ANTXR1: variants seen among roughly 807,000 people sequenced by gnomAD.
ANTXR1 encodes the protein anthrax toxin receptor 1.
In ANTXR1, 19 loss-of-function variants were observed where a neutral mutation model predicts 78.1. The observed-to-expected ratio is 0.24, with a 90% CI of 0.17 to 0.36. ANTXR1 has a LOEUF of 0.36. Among genes scored for constraint, ANTXR1 ranks in the 10% least tolerant of loss-of-function variants. The probability of loss-of-function intolerance (pLI) is 1.00; values close to 1 mark genes in which losing one functional copy is unlikely to be tolerated. For missense variants in ANTXR1, 518 were observed against 718.6 expected (o/e 0.72, Z 3.19); for synonymous variants, 273 against 260.5 (o/e 1.05, Z -0.46).
intron 16 of ANTXR1, among the ~76,000 whole-genome samples, chr2:69,185,038 A>C (rs1401957562): frequency 6.6e-6 from 1 of 152,074 alleles, no homozygotes; most frequent in Non-Finnish European, 1.5e-5. Flanking sequence ...CTGTTGCCCC[A>C]ATTATCACTT....
At chr2:69,187,504 A>G (rs1674447242) in intron 16 of ANTXR1, among the ~76,000 whole-genome samples, 1 of 151,630 alleles carries the variant, frequency 6.6e-6, no homozygotes, top group Non-Finnish European at 1.5e-5. Context: ...GTGTGTAGGG[A>G]AAGTTTCTGA....
intron 17 of ANTXR1, among the ~76,000 whole-genome samples, chr2:69,211,296 C>T (rs1675038038): frequency 6.6e-6 from 1 of 152,164 alleles, no homozygotes; most frequent in Admixed American, 6.5e-5. Flanking sequence ...GCTGTCAGTG[C>T]TAAGGAATGC....
intron 17 of ANTXR1, among the ~76,000 whole-genome samples, chr2:69,222,816 T>C (rs1322219242): frequency 6.6e-6 from 1 of 152,240 alleles, no homozygotes; most frequent in Non-Finnish European, 1.5e-5. Context: ...ACTCTGACAT[T>C]TGTGGTGTAT....
At chr2:69,164,212 T>C (rs1573946331) in intron 13 of ANTXR1, among the ~76,000 whole-genome samples, 1 of 152,318 alleles carries the variant, frequency 6.6e-6, no homozygotes, top group East Asian at 1.9e-4. Flanking sequence ...TCTAATAAGA[T>C]GGCACAATTA....
At chr2:69,083,903 C>T (rs1670968175) in intron 8 of ANTXR1, among the ~76,000 whole-genome samples, 1 of 152,190 alleles carries the variant, frequency 6.6e-6, no homozygotes, top group South Asian at 2.1e-4. Context: ...AAATCTTTTG[C>T]CTCAGCAGTC....
chr2:69,170,331 C>A, intron 14 of ANTXR1, 42 bp downstream of exon 14: 1 of 1,612,008 alleles, frequency 6.2e-7, no homozygotes, highest in Non-Finnish European at 8.5e-7. Flanking sequence ...GGCAGGGTGG[C>A]AGAGTAGGGT....
intron 13 of ANTXR1, 112 bp downstream of exon 13, chr2:69,152,376 C>T (rs1673421579): frequency 4.6e-6 from 5 of 1,094,698 alleles, no homozygotes; most frequent in Non-Finnish European, 6.9e-6. Flanking sequence ...ACAAATCTTG[C>T]ATTTTTTATA....
At chr2:69,176,565 C>G (rs144949554) in intron 14 of ANTXR1, among the ~76,000 whole-genome samples, 1 of 152,176 alleles carries the variant, frequency 6.6e-6, no homozygotes. Context: ...GTCATTCTCA[C>G]GAAACTCACT....
chr2:69,090,304 G>A (rs1671190674), intron 8 of ANTXR1, among the ~76,000 whole-genome samples: 1 of 151,736 alleles, frequency 6.6e-6, no homozygotes, highest in Admixed American at 6.6e-5. Context: ...AGAAATCTAT[G>A]TACTTTTTCC....
intron 8 of ANTXR1, among the ~76,000 whole-genome samples, chr2:69,081,498 T>G (rs977380626): frequency 6.6e-6 from 1 of 152,234 alleles, no homozygotes; most frequent in African/African-American, 2.4e-5. Context: ...TTTTAGTTTC[T>G]TAACTGAGAG....
chr2:69,041,491 C>T (rs1197027814), intron 2 of ANTXR1, among the ~76,000 whole-genome samples: 1 of 152,204 alleles, frequency 6.6e-6, no homozygotes. Flanking sequence ...GGCTTCTGTT[C>T]TCTCTGAAGT....
chr2:69,231,653 T>C (rs1675600390), intron 17 of ANTXR1, among the ~76,000 whole-genome samples: 1 of 152,154 alleles, frequency 6.6e-6, no homozygotes, highest in Admixed American at 6.5e-5. Flanking sequence ...GAAGCTGCAG[T>C]CAGATGGCGG....
At chr2:69,124,789 C>T (rs1672476093) in intron 12 of ANTXR1, 146 bp downstream of exon 12, 2 of 811,766 alleles carry the variant, frequency 2.5e-6, no homozygotes, top group South Asian at 3.0e-5. Flanking sequence ...AGCACTGCTC[C>T]ACCAGCCCCA....
At chr2:69,046,305 A>G (rs1249638248) in intron 3 of ANTXR1, among the ~76,000 whole-genome samples, 2 of 152,140 alleles carry the variant, frequency 1.3e-5, no homozygotes, top group African/African-American at 2.4e-5. Flanking sequence ...TGGGAAGTTG[A>G]CAGGGTCAGA....
At chr2:69,165,826 A>G (rs930801754) in intron 13 of ANTXR1, among the ~76,000 whole-genome samples, 1 of 152,260 alleles carries the variant, frequency 6.6e-6, no homozygotes, top group Non-Finnish European at 1.5e-5. Flanking sequence ...AAGCCTACAC[A>G]TTAAGAATCA....
intron 17 of ANTXR1, among the ~76,000 whole-genome samples, chr2:69,243,775 C>G (rs1317184239): frequency 6.6e-6 from 1 of 152,224 alleles, no homozygotes; most frequent in Non-Finnish European, 1.5e-5. Flanking sequence ...AGGATAACTT[C>G]CATCCTGGAG....
intron 3 of ANTXR1, among the ~76,000 whole-genome samples, chr2:69,059,317 A>G (rs1054631872): frequency 5.3e-5 from 8 of 152,190 alleles, no homozygotes; most frequent in African/African-American, 1.9e-4. Flanking sequence ...CTTATTTTTA[A>G]AAATTGCCAC....
intron 17 of ANTXR1, among the ~76,000 whole-genome samples, chr2:69,216,497 G>T (rs193032410): frequency 1.3e-5 from 2 of 151,334 alleles, no homozygotes; most frequent in African/African-American, 4.9e-5. Context: ...ACATGTACAC[G>T]CACACACACG....
chr2:69,019,683 A>G (rs1671127520), intron 1 of ANTXR1, among the ~76,000 whole-genome samples: 1 of 152,146 alleles, frequency 6.6e-6, no homozygotes, highest in Non-Finnish European at 1.5e-5. Flanking sequence ...TCACCGAGGT[A>G]TCAAGCCTAG....
Sources: gnomAD v4.1 joint callset for allele counts (sites outside exome capture counted in the v4.1 genomes callset) on GRCh38, gnomAD v4.1.1 for gene constraint, MANE v1.5 for transcripts, NCBI Gene and HGNC (gene_info 2026-07-23, HGNC 2026-07-21) for gene names.